Variants in HERC2 observed in about 807,000 individuals in gnomAD.
HERC2 encodes the protein HECT and RLD domain containing E3 ubiquitin protein ligase 2, also known as E3 ubiquitin-protein ligase HERC2.
A neutral mutation model predicts 537.7 loss-of-function variants in HERC2; 102 were observed. The observed-to-expected ratio is 0.19, with a 90% CI of 0.16 to 0.22. The LOEUF is 0.22. Among genes scored for constraint, HERC2 ranks in the 10% least tolerant of loss-of-function variants. The probability of loss-of-function intolerance (pLI) is 1.00; values close to 1 mark genes in which losing one functional copy is unlikely to be tolerated. For missense variants in HERC2, 4,236 were observed against 6,198.2 expected (o/e 0.68, Z 10.63); for synonymous variants, 2,224 against 2,466.2 (o/e 0.90, Z 2.91).
At chr15:28,244,164 CA>C in intron 23 of HERC2, among the ~76,000 whole-genome samples, 1 of 149,476 alleles carries the variant, frequency 6.7e-6, no homozygotes, top group South Asian at 2.1e-4. Flanking sequence ...ACCCTTGCCT[CA>C]AAAAAAAAGG....
At chr15:28,228,129 T>TTA in intron 35 of HERC2, 89 bp downstream of exon 35, 1 of 940,256 alleles carries the variant, frequency 1.1e-6, no homozygotes, top group Non-Finnish European at 1.5e-6. Flanking sequence ...CAAAAAGCTT[T>TTA]AAAAAAAAAA....
chr15:28,155,176 T>C (rs1892869292), intron 69 of HERC2, among the ~76,000 whole-genome samples: 3 of 152,124 alleles, frequency 2.0e-5, no homozygotes, highest in Admixed American at 6.5e-5. Flanking sequence ...TGTTGGACAT[T>C]TGGGTTAGTT....
intron 15 of HERC2, among the ~76,000 whole-genome samples, 174 bp downstream of exon 15, chr15:28,262,744 T>C (rs2075448538): frequency 6.6e-6 from 1 of 152,206 alleles, no homozygotes; most frequent in South Asian, 2.1e-4. Flanking sequence ...TCAATACCTA[T>C]ACCAAGCAGG....
chr15:28,220,365 T>G, intron 37 of HERC2, 87 bp downstream of exon 37: 1 of 1,234,270 alleles, frequency 8.1e-7, no homozygotes. Flanking sequence ...TGACATCCCA[T>G]TCTAAGGCCC....
In HERC2 at chr15:28,214,196, C is replaced by T. The variant is rs1293524998; in HGVS notation, c.6435G>A (p.Glu2145=). The T allele has an allele frequency of 1.2e-6, 2 of 1,612,584 alleles. No homozygotes were observed. The highest frequency in any genetic ancestry group is 1.7e-6 in the Non-Finnish European group (2 of 1,179,966). ...GCAGCGTGCGCAGCAGTGCCACCAC[C>T]TCCTCCGCCAGTGTGCTGCTGTGGG... ...TATHSSTLAE[E]VVALLRTLHS... is the part of the protein sequence containing the mutation. The change falls in exon 41 of 93, where the codon GAG becomes GAA. Residue 2145 remains glutamate (E), a synonymous_variant. Coordinates refer to ENST00000261609, the MANE Select transcript of HERC2 (RefSeq NM_004667.6).
Position 28,177,174 on chromosome 15 carries a change from T to C in HERC2, c.9255-47A>G, listed in dbSNP as rs1895367329. The C allele has an allele frequency of 1.3e-6, 2 of 1,563,138 alleles. No individual in the cohort carries two copies. Among genetic ancestry groups the C allele is most frequent in the Middle Eastern group, 1.7e-4 (1 of 5,838 alleles). ...TCTCTACAGTCAATCTGTCCCTTCT[T>C]AGAGATGAAGGAAAAAAGACATCTA... On this transcript the variant is annotated intron_variant, in intron 60 of 92. Transcript: ENST00000261609. This position sits in a 1 kb window ranked among gnomAD's most constrained non-coding sequence, Gnocchi z 5.0.
At chr15:28,257,687 T>C (rs949394726) in intron 16 of HERC2, among the ~76,000 whole-genome samples, 3 of 151,902 alleles carry the variant, frequency 2.0e-5, no homozygotes, top group Non-Finnish European at 4.4e-5. Context: ...TGGAACACTA[T>C]GAATAAACTG....
chr15:28,222,813 AG>A (rs1412463730), intron 35 of HERC2, among the ~76,000 whole-genome samples: 1 of 152,100 alleles, frequency 6.6e-6, no homozygotes, highest in Non-Finnish European at 1.5e-5. Context: ...TGCGCCAGGA[AG>A]GGGGTGCCCG....
At chr15:28,239,067 G>A (rs1456027607) in intron 23 of HERC2, among the ~76,000 whole-genome samples, 1 of 152,136 alleles carries the variant, frequency 6.6e-6, no homozygotes, top group African/African-American at 2.4e-5. Flanking sequence ...CTACAATGCA[G>A]TTAAATTAGA....
chr15:28,192,202 A>C (rs779824211), intron 52 of HERC2, 51 bp from the exon 53 acceptor site: 73 of 1,459,232 alleles, frequency 5.0e-5, no homozygotes, highest in Non-Finnish European at 6.8e-5. Flanking sequence ...ACTGGGGAGA[A>C]ACATCATGAT....
chr15:28,211,918 G>C (rs1376364505), intron 43 of HERC2, among the ~76,000 whole-genome samples: 7 of 152,182 alleles, frequency 4.6e-5, no homozygotes, highest in Non-Finnish European at 7.3e-5. Flanking sequence ...AGGACATAAA[G>C]AATGAGCAGA....
intron 3 of HERC2, among the ~76,000 whole-genome samples, chr15:28,296,689 T>TAAAAAA (rs4035974): frequency 8.7e-6 from 1 of 115,250 alleles, no homozygotes; most frequent in Non-Finnish European, 1.8e-5. Context: ...TACTGATACA[T>TAAAAAA]AAAAAAAAAA....
At chr15:28,313,361 A>T (rs1218557103) in intron 2 of HERC2, among the ~76,000 whole-genome samples, 2 of 152,188 alleles carry the variant, frequency 1.3e-5, no homozygotes, top group Non-Finnish European at 2.9e-5. Flanking sequence ...GTGTATTTTT[A>T]GTAGAGACGG....
At chr15:28,246,983 T>A in intron 21 of HERC2, 86 bp from the exon 22 acceptor site, 4 of 1,130,402 alleles carry the variant, frequency 3.5e-6, no homozygotes, top group East Asian at 2.5e-5. Flanking sequence ...GCTATTCTCA[T>A]CTACACATCT....
At chr15:28,289,889 GACACACCTCAGTGAGAGGACT>G (rs1420777693) in intron 4 of HERC2, among the ~76,000 whole-genome samples, 14 of 152,238 alleles carry the variant, frequency 9.2e-5, no homozygotes, top group African/African-American at 3.1e-4. Flanking sequence ...CTGAGAGGAA[GACACACCTCAGTGAGAGGACT>G]ACACACCTCA....
At chr15:28,289,538 G>A (rs79286671) in intron 4 of HERC2, among the ~76,000 whole-genome samples, 16,904 of 151,488 alleles carry the variant, frequency 0.11, 1,326 homozygotes, top group East Asian at 0.29. Context: ...TCCCCAGCAC[G>A]ATGGAGATAC....
chr15:28,135,414 G>A (rs1890536565), intron 79 of HERC2, 64 bp downstream of exon 79: 1 of 1,261,840 alleles, frequency 7.9e-7, no homozygotes, highest in Non-Finnish European at 1.1e-6. Flanking sequence ...ATAGATTGTA[G>A]CAGCATTAAA....
intron 34 of HERC2, 92 bp downstream of exon 34, chr15:28,229,103 C>G: frequency 1.7e-6 from 2 of 1,154,230 alleles, no homozygotes; most frequent in East Asian, 2.3e-5. Flanking sequence ...TAATTAAAAT[C>G]TTCTCAAAAG....
intron 53 of HERC2, 73 bp from the exon 54 acceptor site, chr15:28,191,317 G>A (rs1896834965): frequency 1.1e-5 from 10 of 903,900 alleles, no homozygotes; most frequent in South Asian, 4.5e-5. Context: ...CAATAGTATC[G>A]TTGAAGCTTG....
Sources: gnomAD v4.1 joint callset for allele counts (sites outside exome capture counted in the v4.1 genomes callset) on GRCh38, gnomAD v4.1.1 for gene constraint, Gnocchi (gnomAD v3.1) non-coding constraint, MANE v1.5 for transcripts, NCBI Gene and HGNC (gene_info 2026-07-23, HGNC 2026-07-21) for gene names.